Variants in ENPP1 observed in about 807,000 individuals in gnomAD.
The protein encoded by ENPP1 is ectonucleotide pyrophosphatase/phosphodiesterase family member 1.
Under a neutral mutation model 122.8 loss-of-function variants are expected in ENPP1, and 73 were observed. The ratio of observed to expected loss-of-function variants is 0.59; its 90% CI spans 0.49 to 0.72. The LOEUF (loss-of-function observed/expected upper bound fraction) is 0.72, where lower values mean the gene tolerates loss of function less well. Among genes scored for constraint, ENPP1 ranks in the 30% least tolerant of loss-of-function variants. The pLI is 0.00. For synonymous variants in ENPP1, 367 were observed against 391.6 expected (o/e 0.94, Z 0.74); for missense variants, 978 against 1,128.1 (o/e 0.87, Z 1.91).
At position 131,851,269 on chromosome 6, in the gene ENPP1, T is replaced by G; in HGVS notation, c.556+2T>G. ...TCAACTACAGTTCTGTGTGTCAAGG[T>G]CAGGTGCTCGTTGGGCTCTGCAGCA... On this transcript the variant is annotated splice_donor_variant, in intron 4 of 24. Coordinates refer to ENST00000647893, the MANE Select transcript of ENPP1 (RefSeq NM_006208.3). LOFTEE classifies it high-confidence loss of function. 1.2e-6 allele frequency: 2 copies of G among 1,614,128 alleles called. No individual in the cohort carries two copies. Among genetic ancestry groups the G allele is most frequent in the Non-Finnish European group, 1.7e-6 (2 of 1,179,970 alleles).
rs779000829 is a variant in ENPP1, at chr6:131,847,893, GT to G, written c.313+46del. 9.6e-5 allele frequency: 115 copies of G among 1,194,972 alleles called. 1 individual carries two copies. The Admixed American group carries it at 2.2e-3, about 23-fold the overall frequency. The allele number at this position is 1,194,972 out of a possible 1,614,324, so 74.0% of individuals were successfully genotyped here. The stretch of plus-strand genomic sequence containing the variant: ...TGTGTGTGTGTGTGTGTGTGTGTGT[GT>G]ATGTGTGTGCACAGCCTTATTAAGA... On this transcript the variant is annotated intron_variant, in intron 2 of 24. Coordinates refer to ENST00000647893, the MANE Select transcript of ENPP1 (RefSeq NM_006208.3).
chr6:131,877,773 A>T (rs1782249272), intron 18 of ENPP1: 1 of 131,738 alleles, frequency 7.6e-6, no homozygotes, highest in South Asian at 2.8e-4. Context: ...TGGGAGGCGG[A>T]GGTTGCAGTG....
chr6:131,826,656 G>C (rs1781549577), intron 1 of ENPP1: 1 of 789,508 alleles, frequency 1.3e-6, no homozygotes, highest in African/African-American at 1.7e-5. Context: ...TTTTCAAGTT[G>C]TTCAGCACAG....
intron 1 of ENPP1, among the ~76,000 whole-genome samples, chr6:131,819,064 T>G (rs1781452473): frequency 6.6e-6 from 1 of 152,210 alleles, no homozygotes; most frequent in Admixed American, 6.5e-5. Context: ...TACACAAAAT[T>G]GATGAAGATA....
chr6:131,889,087 C>T (rs1334366993), intron 24 of ENPP1, among the ~76,000 whole-genome samples: 4 of 152,276 alleles, frequency 2.6e-5, no homozygotes, highest in African/African-American at 9.6e-5. Flanking sequence ...TTGTGTAGTA[C>T]ATTTGCACAC....
intron 1 of ENPP1, among the ~76,000 whole-genome samples, chr6:131,834,288 G>C (rs1210079568): frequency 6.6e-6 from 1 of 152,154 alleles, no homozygotes; most frequent in African/African-American, 2.4e-5. Context: ...GAATGAGCAT[G>C]ACAGAAGAGG....
chr6:131,849,938 T>G, intron 2 of ENPP1, 52 bp from the exon 3 acceptor site: 12 of 1,309,096 alleles, frequency 9.2e-6, no homozygotes, highest in Non-Finnish European at 1.3e-5. Flanking sequence ...TGATGTTTAC[T>G]TTGAATTATA....
At chr6:131,860,550 C>T in intron 8 of ENPP1, 44 bp downstream of exon 8, 1 of 1,435,208 alleles carries the variant, frequency 7.0e-7, no homozygotes, top group Non-Finnish European at 9.8e-7. Flanking sequence ...TTATTCTCAT[C>T]TATTTCAATC....
At chr6:131,813,258 C>T (rs144504675) in intron 1 of ENPP1, among the ~76,000 whole-genome samples, 2,355 of 151,922 alleles carry the variant, frequency 0.016, 68 homozygotes, top group African/African-American at 0.054. Flanking sequence ...AATCCCAGCA[C>T]TTTGGGAGGC....
At chr6:131,844,556 AATTGAAAAAGTGAATGAACTG>A (rs1585810495) in intron 1 of ENPP1, among the ~76,000 whole-genome samples, 1 of 151,904 alleles carries the variant, frequency 6.6e-6, no homozygotes, top group East Asian at 1.9e-4. Flanking sequence ...AAAAGTGGAT[AATTGAAAAAGTGAATGAACTG>A]ATGAAGAATG....
At chr6:131,870,613 C>G (rs1782149425) in intron 13 of ENPP1, among the ~76,000 whole-genome samples, 1 of 152,166 alleles carries the variant, frequency 6.6e-6, no homozygotes, top group African/African-American at 2.4e-5. Flanking sequence ...TAGATAGATA[C>G]TATTGACTAT....
Position 131,816,935 on chromosome 6 carries a change from A to C in ENPP1, c.240+8660A>C, listed in dbSNP as rs547715766. ...GGGATTCAGTCAGGTTTCCATGCAG[A>C]CATTATTGTGCATAAAAACCACCTG... is the stretch of plus-strand genomic sequence containing the variant. On this transcript the variant is annotated intron_variant, in intron 1 of 24. Transcript: ENST00000647893. 8.5e-5 allele frequency among the ~76,000 whole-genome samples: 13 copies of C among 152,318 alleles called. 1 individual carries two copies. In the South Asian group the frequency reaches 2.7e-3, roughly 32 times the overall value.
intron 5 of ENPP1, among the ~76,000 whole-genome samples, chr6:131,852,905 G>C (rs1781899511): frequency 6.6e-6 from 1 of 151,674 alleles, no homozygotes; most frequent in South Asian, 2.1e-4. Flanking sequence ...TTGTCCTTCA[G>C]ATATTTTGTA....
intron 1 of ENPP1, chr6:131,826,434 C>G: frequency 1.1e-6 from 1 of 920,054 alleles, no homozygotes; most frequent in South Asian, 1.5e-5. Flanking sequence ...TAGATAATGC[C>G]CCAGTTTATC....
rs763979345 is a variant in ENPP1, at chr6:131,841,423, G to A, written c.241-6353G>A. ...TCATTTCAAATGGCACTTTCATACC[G>A]TCTGACACATTGGAATACCACATCC... On this transcript the variant is annotated intron_variant, in intron 1 of 24. Coordinates refer to ENST00000647893, the MANE Select transcript of ENPP1 (RefSeq NM_006208.3). Among the ~76,000 whole-genome samples, 8 of 152,288 alleles carry A rather than the reference G, an allele frequency of 5.3e-5. No individual in the cohort carries two copies. The East Asian group carries it at 5.8e-4, about 11-fold the overall frequency.
intron 1 of ENPP1, among the ~76,000 whole-genome samples, chr6:131,829,409 GT>G (rs1357683254): frequency 2.6e-5 from 4 of 152,134 alleles, no homozygotes; most frequent in African/African-American, 9.7e-5. Flanking sequence ...ATTAAAATAT[GT>G]TTTTGCATCA....
chr6:131,869,093 G>A (rs1372487474), intron 12 of ENPP1, among the ~76,000 whole-genome samples: 1 of 152,156 alleles, frequency 6.6e-6, no homozygotes, highest in East Asian at 1.9e-4. Context: ...AATGTGATAA[G>A]ACATTCTTCT....
Position 131,873,815 on chromosome 6 carries a change from A to G in ENPP1, c.1566-453A>G, listed in dbSNP as rs1370050162. On this transcript the variant is annotated intron_variant, in intron 15 of 24. Coordinates refer to ENST00000647893, the MANE Select transcript of ENPP1 (RefSeq NM_006208.3). ...TGGAGAGCTGGGCTTTTAGTTTTCA[A>G]AAAATATATATATATATGAAAGGAG... Among the ~76,000 whole-genome samples the G allele has an allele frequency of 2.6e-5, 4 of 152,092 alleles. No homozygotes were observed. The East Asian group carries it at 7.7e-4, about 29-fold the overall frequency.
intron 19 of ENPP1, among the ~76,000 whole-genome samples, chr6:131,879,123 T>C (rs112897860): frequency 0.034 from 5,142 of 152,246 alleles, 163 homozygotes; most frequent in African/African-American, 0.082. Context: ...ATTTTTTTTC[T>C]ACTAGAATAA....
Sources: gnomAD v4.1 joint callset for allele counts (sites outside exome capture counted in the v4.1 genomes callset) on GRCh38, gnomAD v4.1.1 for gene constraint, MANE v1.5 for transcripts, NCBI Gene and HGNC (gene_info 2026-07-23, HGNC 2026-07-21) for gene names.